The following ITSN1 variants were observed in gnomAD, a reference collection of about 807,000 sequenced individuals.
The protein encoded by ITSN1 is intersectin 1.
Under a neutral mutation model 239.8 loss-of-function variants are expected in ITSN1, and 58 were observed. That is an observed-to-expected ratio of 0.24 (90% CI 0.20 to 0.30). The LOEUF is 0.30. ITSN1 is among the 10% of genes least tolerant of loss of function. The probability of loss-of-function intolerance (pLI) is 1.00; values close to 1 mark genes in which losing one functional copy is unlikely to be tolerated. For missense variants in ITSN1, 1,558 were observed against 2,103.3 expected (o/e 0.74, Z 5.07); for synonymous variants, 780 against 770.8 (o/e 1.01, Z -0.20).
intron 1 of ITSN1, among the ~76,000 whole-genome samples, chr21:33,678,906 G>T (rs1011718521): frequency 4.6e-5 from 7 of 152,154 alleles, no homozygotes; most frequent in African/African-American, 1.7e-4. Context: ...TAGAGACAGG[G>T]TTTCACGGAA....
intron 33 of ITSN1, among the ~76,000 whole-genome samples, chr21:33,867,875 A>G: frequency 6.6e-6 from 1 of 151,270 alleles, no homozygotes. Flanking sequence ...TGAGTGTTAC[A>G]GCTCTTAAGG....
intron 21 of ITSN1, 130 bp from the exon 22 acceptor site, chr21:33,813,783 T>C: frequency 5.8e-6 from 4 of 692,498 alleles, no homozygotes; most frequent in Non-Finnish European, 9.2e-6. Flanking sequence ...TTTTTGGTAC[T>C]TTACTGTGGG....
chr21:33,714,621 ATTATAT>A (rs1485167641), intron 1 of ITSN1, among the ~76,000 whole-genome samples: 2 of 2,258 alleles, frequency 8.9e-4, no homozygotes, highest in African/African-American at 3.8e-3. Context: ...GCATAAAATT[ATTATAT>A]CTATATCTAT....
intron 1 of ITSN1, among the ~76,000 whole-genome samples, chr21:33,698,427 T>G (rs1414479489): frequency 6.6e-6 from 1 of 152,204 alleles, no homozygotes; most frequent in East Asian, 1.9e-4. Context: ...TCATGATAGT[T>G]TGTCAGATAT....
intron 11 of ITSN1, among the ~76,000 whole-genome samples, chr21:33,769,849 C>T (rs191097837): frequency 2.8e-5 from 4 of 145,220 alleles, no homozygotes; most frequent in Non-Finnish European, 4.6e-5. Context: ...GCATGTGCCA[C>T]CACACCCAGC....
chr21:33,716,849 G>A (rs897216333), intron 1 of ITSN1, among the ~76,000 whole-genome samples: 3 of 151,884 alleles, frequency 2.0e-5, no homozygotes, highest in Non-Finnish European at 4.4e-5. Context: ...CTACTCAGGA[G>A]GCTGAGGCAA....
intron 29 of ITSN1, among the ~76,000 whole-genome samples, chr21:33,853,830 G>C (rs1978795730): frequency 6.6e-6 from 1 of 152,188 alleles, no homozygotes; most frequent in African/African-American, 2.4e-5. Flanking sequence ...GTGGGATGCA[G>C]GGCAAACCTC....
At chr21:33,717,369 G>T (rs1389337013) in intron 1 of ITSN1, among the ~76,000 whole-genome samples, 4 of 150,536 alleles carry the variant, frequency 2.7e-5, no homozygotes, top group Non-Finnish European at 5.9e-5. Flanking sequence ...GCTAATTTTT[G>T]TATTTTTACT....
At chr21:33,860,360 A>AC (rs1980270795) in intron 31 of ITSN1, among the ~76,000 whole-genome samples, 1 of 152,012 alleles carries the variant, frequency 6.6e-6, no homozygotes, top group Non-Finnish European at 1.5e-5. Context: ...GTAAGTTAAA[A>AC]CCTTTTTCCT....
intron 34 of ITSN1, among the ~76,000 whole-genome samples, chr21:33,876,219 TTC>T (rs149488772): frequency 1.3e-4 from 4 of 31,250 alleles, no homozygotes; most frequent in Admixed American, 6.2e-4. Flanking sequence ...TCTCTTCTTT[TTC>T]TCTTTCTTTC....
chr21:33,751,747 TG>T, intron 6 of ITSN1, 62 bp from the exon 7 acceptor site: 1 of 1,293,588 alleles, frequency 7.7e-7, no homozygotes, highest in Non-Finnish European at 1.1e-6. Flanking sequence ...TTTTAATTTT[TG>T]TAAATTGGGG....
Position 33,715,851 on chromosome 21 carries a change from G to A in ITSN1, c.-32-2946G>A, listed in dbSNP as rs142465803. Among the ~76,000 whole-genome samples the A allele has an allele frequency of 2.6e-5, 4 of 152,274 alleles. 1 individual carries two copies. Among genetic ancestry groups the A allele is most frequent in the Admixed American group, 1.3e-4 (2 of 15,288 alleles). On this transcript the variant is annotated intron_variant, in intron 1 of 39. Coordinates refer to ENST00000381318, the MANE Select transcript of ITSN1 (RefSeq NM_003024.3). The stretch of plus-strand genomic sequence containing the variant: ...GAGAATTGCTTGAACCCAGGAGGTG[G>A]AGGTTGCAGTGAGCCAAGATTGCAC...
intron 1 of ITSN1, among the ~76,000 whole-genome samples, chr21:33,646,355 T>C (rs577692439): frequency 1.3e-5 from 2 of 152,354 alleles, no homozygotes; most frequent in African/African-American, 2.4e-5. Context: ...ATCAAACTTA[T>C]ATTTGGTATA....
At chr21:33,789,289 T>C (rs2147967463) in intron 16 of ITSN1, among the ~76,000 whole-genome samples, 1 of 152,332 alleles carries the variant, frequency 6.6e-6, no homozygotes, top group African/African-American at 2.4e-5. Flanking sequence ...TGTGATATTA[T>C]AGATAAACAC....
At chr21:33,834,832 G>A (rs1055565501) in intron 28 of ITSN1, among the ~76,000 whole-genome samples, 7 of 152,102 alleles carry the variant, frequency 4.6e-5, no homozygotes, top group Admixed American at 2.0e-4. Context: ...ACGGGGGTTG[G>A]GGGGCTATAA....
intron 27 of ITSN1, among the ~76,000 whole-genome samples, 162 bp from the exon 28 acceptor site, chr21:33,834,145 A>G (rs756020715): frequency 6.6e-6 from 1 of 152,130 alleles, no homozygotes; most frequent in Non-Finnish European, 1.5e-5. Context: ...ATTTTTAGCT[A>G]TGGTGTTTTA....
At chr21:33,862,686 T>C (rs1980851399) in intron 31 of ITSN1, among the ~76,000 whole-genome samples, 1 of 152,184 alleles carries the variant, frequency 6.6e-6, no homozygotes, top group Non-Finnish European at 1.5e-5. Context: ...TTGGGGCCTC[T>C]GAGGCTGTGG....
chr21:33,784,978 C>T (rs1273779684), intron 16 of ITSN1, among the ~76,000 whole-genome samples: 1 of 152,176 alleles, frequency 6.6e-6, no homozygotes, highest in African/African-American at 2.4e-5. Context: ...TTTCACACAT[C>T]TAACCTGATA....
At chr21:33,790,393 CTTAT>C (rs888378040) in intron 16 of ITSN1, among the ~76,000 whole-genome samples, 1 of 151,598 alleles carries the variant, frequency 6.6e-6, no homozygotes, top group Non-Finnish European at 1.5e-5. Context: ...TTAATAATTT[CTTAT>C]TTAAGAAAGT....
Sources: allele counts gnomAD v4.1 joint callset (sites outside exome capture counted in the v4.1 genomes callset), GRCh38; gene constraint gnomAD v4.1.1; transcripts MANE v1.5; gene names NCBI Gene and HGNC (gene_info 2026-07-23, HGNC 2026-07-21).